The following RBFOX2 variants were observed in gnomAD, a reference collection of about 807,000 sequenced individuals.
The protein encoded by RBFOX2 is RNA binding protein fox-1 homolog 2.
In RBFOX2, 10 loss-of-function variants were observed where a neutral mutation model predicts 49.1. The observed-to-expected ratio is 0.20, with a 90% confidence interval of 0.13 to 0.35. The LOEUF is 0.35. RBFOX2 is among the 10% of genes least tolerant of loss of function. The probability of loss-of-function intolerance (pLI) is 1.00; values close to 1 mark genes in which losing one functional copy is unlikely to be tolerated. For missense variants in RBFOX2, 323 were observed against 486.9 expected (o/e 0.66, Z 3.17); for synonymous variants, 183 against 187.4 (o/e 0.98, Z 0.19).
chr22:35,926,786 C>T (rs2051695475), intron 1 of RBFOX2, among the ~76,000 whole-genome samples: 1 of 152,196 alleles, frequency 6.6e-6, no homozygotes, highest in African/African-American at 2.4e-5. Context: ...AAGTATGACA[C>T]TCCCAGGACC....
At chr22:35,921,490 A>G (rs1215417396) in intron 1 of RBFOX2, among the ~76,000 whole-genome samples, 1 of 152,214 alleles carries the variant, frequency 6.6e-6, no homozygotes, top group Admixed American at 6.5e-5. Flanking sequence ...GCTCTAGGCA[A>G]TAAGACTTAC....
rs1038910418 is a variant in RBFOX2 at position 35,798,323 on chromosome 22, C to T, written c.252+11457G>A. Among the ~76,000 whole-genome samples, 3 of 152,212 alleles carry T rather than the reference C, an allele frequency of 2.0e-5. No individual in the cohort carries two copies. In the East Asian group the frequency reaches 5.8e-4, roughly 29 times the overall value. ...TCTATAGGTTCATTGAGGGCAGGGG[C>T]TTTATTTTACCTTTTTAAGAACACC... is the stretch of plus-strand genomic sequence containing the variant. On this transcript the variant is annotated intron_variant, in intron 2 of 11. Coordinates refer to ENST00000405409, the Ensembl canonical transcript of RBFOX2.
chr22:35,860,398 G>A (rs1021698203), intron 1 of RBFOX2, among the ~76,000 whole-genome samples: 3 of 152,184 alleles, frequency 2.0e-5, no homozygotes, highest in Admixed American at 1.3e-4. Context: ...AGACCACTGA[G>A]GCTCAGCAAA....
At chr22:35,766,909 C>A (rs1268054491) in intron 5 of RBFOX2, among the ~76,000 whole-genome samples, 3 of 151,754 alleles carry the variant, frequency 2.0e-5, no homozygotes, top group African/African-American at 7.3e-5. Flanking sequence ...GGGAAAGGGA[C>A]AGGAACAAGG....
upstream of RBFOX2, among the ~76,000 whole-genome samples, chr22:35,963,059 C>CAAAAAA (rs34027896): frequency 1.1e-3 from 37 of 33,570 alleles, 1 homozygote; most frequent in African/African-American, 1.9e-3. Flanking sequence ...AACTCTCCAG[C>CAAAAAA]AAAAAAAAAA....
chr22:35,922,564 T>A, intron 1 of RBFOX2, among the ~76,000 whole-genome samples: 1 of 148,570 alleles, frequency 6.7e-6, no homozygotes. Context: ...AGAGCTAGAC[T>A]CCATTTCAAA....
chr22:35,874,064 G>C (rs527777426), intron 1 of RBFOX2, among the ~76,000 whole-genome samples: 3 of 152,102 alleles, frequency 2.0e-5, no homozygotes, highest in Admixed American at 2.0e-4. Flanking sequence ...AAAAATACAC[G>C]ACTGTCATCT....
intron 1 of RBFOX2, among the ~76,000 whole-genome samples, chr22:35,914,268 T>C (rs955283005): frequency 1.3e-5 from 2 of 152,154 alleles, no homozygotes; most frequent in Non-Finnish European, 2.9e-5. Context: ...AAGAATTTAA[T>C]AAGGTAACAA....
At chr22:35,846,032 A>G (rs911222161) in intron 1 of RBFOX2, among the ~76,000 whole-genome samples, 16 of 150,926 alleles carry the variant, frequency 1.1e-4, no homozygotes, top group East Asian at 3.9e-4. Flanking sequence ...TATAAACTAT[A>G]TAAGTATAAA....
chr22:35,894,096 C>A (rs1372889685), intron 1 of RBFOX2, among the ~76,000 whole-genome samples: 9 of 152,182 alleles, frequency 5.9e-5, no homozygotes, highest in African/African-American at 2.2e-4. Context: ...TTACAAACTT[C>A]TCCAGTCCCA....
At chr22:35,743,461 G>A (rs1420153546) in exon 12 of RBFOX2, 2 of 152,160 alleles carry the variant, frequency 1.3e-5, no homozygotes, top group Admixed American at 6.6e-5. Context: ...TTCTGAGATC[G>A]GTTTCCTAAT....
At chr22:35,969,644 C>T (rs957953660) in intron 1 of RBFOX2, among the ~76,000 whole-genome samples, 1 of 152,178 alleles carries the variant, frequency 6.6e-6, no homozygotes, top group African/African-American at 2.4e-5. Flanking sequence ...TGCCTCCTTC[C>T]TCTCTCCAGC....
chr22:35,847,764 T>C (rs2041405736), intron 1 of RBFOX2, among the ~76,000 whole-genome samples: 1 of 152,110 alleles, frequency 6.6e-6, no homozygotes. Flanking sequence ...TCAGATAGAA[T>C]AAACCTACAA....
chr22:35,809,705 A>G, intron 2 of RBFOX2, 75 bp downstream of exon 3: 2 of 1,471,886 alleles, frequency 1.4e-6, no homozygotes, highest in Non-Finnish European at 1.9e-6. Flanking sequence ...AGAGTCTTCT[A>G]ATTGTATAAT....
At chr22:35,925,950 T>C (rs1006787044) in intron 1 of RBFOX2, among the ~76,000 whole-genome samples, 5 of 152,340 alleles carry the variant, frequency 3.3e-5, no homozygotes, top group Non-Finnish European at 7.3e-5. Flanking sequence ...TAACACAAGA[T>C]CTTAAGTTAC....
chr22:35,848,191 T>C (rs1216017103), intron 1 of RBFOX2, among the ~76,000 whole-genome samples: 1 of 152,178 alleles, frequency 6.6e-6, no homozygotes, highest in Non-Finnish European at 1.5e-5. Context: ...TGAAAGCACA[T>C]TAATATTTAC....
At chr22:35,985,907 GATAGATAGATAGATA>G (rs2057694913) in intron 1 of RBFOX2, among the ~76,000 whole-genome samples, 1 of 5,894 alleles carries the variant, frequency 1.7e-4, no homozygotes, top group Admixed American at 1.0e-3. Context: ...TAGATGGATA[GATAGATAGATAGATA>G]GATAGATAGA....
chr22:35,956,207 A>T (rs1255900333), intron 1 of RBFOX2, among the ~76,000 whole-genome samples: 1 of 152,192 alleles, frequency 6.6e-6, no homozygotes, highest in African/African-American at 2.4e-5. Flanking sequence ...CACTAATATC[A>T]CCACCAATCT....
chr22:35,843,992 T>C (rs759849050), upstream of RBFOX2, among the ~76,000 whole-genome samples: 29 of 152,188 alleles, frequency 1.9e-4, no homozygotes, highest in Non-Finnish European at 3.2e-4. Flanking sequence ...GGCTCCCACA[T>C]TTCTATTTTT....
Sources: allele counts gnomAD v4.1 joint callset (sites outside exome capture counted in the v4.1 genomes callset), GRCh38; gene constraint gnomAD v4.1.1; transcripts MANE v1.5; gene names NCBI Gene and HGNC (gene_info 2026-07-23, HGNC 2026-07-21).